SLC24A3: variants seen among roughly 807,000 people sequenced by gnomAD.
The protein encoded by SLC24A3 is solute carrier family 24 member 3.
Under a neutral mutation model 75.8 loss-of-function variants are expected in SLC24A3, and 28 were observed. The observed-to-expected ratio is 0.37, with a 90% CI of 0.27 to 0.51. SLC24A3 has a LOEUF of 0.51. Ranked by LOEUF, SLC24A3 falls within the 20% of genes least tolerant of loss-of-function variation. The pLI is 0.94. For missense variants in SLC24A3, 663 were observed against 847.8 expected (o/e 0.78, Z 2.71); for synonymous variants, 372 against 334.1 (o/e 1.11, Z -1.24).
At chr20:19,344,736 TC>T (rs1448748552) in intron 2 of SLC24A3, among the ~76,000 whole-genome samples, 2 of 152,194 alleles carry the variant, frequency 1.3e-5, no homozygotes, top group Admixed American at 1.3e-4. Flanking sequence ...AGAAATTAAC[TC>T]CCCAGCACTC....
intron 1 of SLC24A3, among the ~76,000 whole-genome samples, chr20:19,262,565 C>A (rs997900599): frequency 2.6e-5 from 4 of 152,100 alleles, no homozygotes; most frequent in African/African-American, 9.7e-5. Flanking sequence ...TCCCTTTGGT[C>A]AAGGAGATGC....
chr20:19,213,723 T>C (rs978677093), intron 1 of SLC24A3, among the ~76,000 whole-genome samples: 7 of 152,228 alleles, frequency 4.6e-5, no homozygotes, highest in African/African-American at 1.7e-4. Context: ...CCCACAACTT[T>C]TGTCTTGTCT....
chr20:19,378,907 C>CA (rs11475629), intron 2 of SLC24A3, among the ~76,000 whole-genome samples: 9,980 of 138,250 alleles, frequency 0.072, 882 homozygotes, highest in African/African-American at 0.21. Flanking sequence ...AAAAAAAGCT[C>CA]AAAAAAAAAA....
At chr20:19,655,781 C>A (rs1219825309) in intron 7 of SLC24A3, among the ~76,000 whole-genome samples, 1 of 152,186 alleles carries the variant, frequency 6.6e-6, no homozygotes, top group South Asian at 2.1e-4. Flanking sequence ...ACAGCATTGG[C>A]TTCCCTGGTT....
intron 2 of SLC24A3, among the ~76,000 whole-genome samples, chr20:19,499,437 C>T (rs1264376840): frequency 6.6e-6 from 1 of 152,156 alleles, no homozygotes; most frequent in Admixed American, 6.6e-5. Context: ...TGACAGAGAG[C>T]AGAGAGGGGA....
chr20:19,530,503 C>T (rs2030276402), intron 3 of SLC24A3, among the ~76,000 whole-genome samples: 1 of 152,212 alleles, frequency 6.6e-6, no homozygotes, highest in Non-Finnish European at 1.5e-5. Context: ...TGTCCCAGAG[C>T]CACCACTGAC....
At chr20:19,321,029 A>G (rs1984695581) in intron 2 of SLC24A3, among the ~76,000 whole-genome samples, 1 of 152,116 alleles carries the variant, frequency 6.6e-6, no homozygotes, top group Admixed American at 6.6e-5. Flanking sequence ...ATATGCAGTT[A>G]GTCCTCTGTA....
chr20:19,624,006 CT>C (rs2031837622), intron 6 of SLC24A3, among the ~76,000 whole-genome samples: 1 of 152,228 alleles, frequency 6.6e-6, no homozygotes, highest in Admixed American at 6.5e-5. Context: ...ACAACTCCTT[CT>C]CTTATCACAA....
At chr20:19,226,962 ATC>A (rs1252273816) in intron 1 of SLC24A3, among the ~76,000 whole-genome samples, 2 of 152,136 alleles carry the variant, frequency 1.3e-5, no homozygotes, top group Non-Finnish European at 1.5e-5. Context: ...GTCTTTGACA[ATC>A]TCTGCCGGTT....
chr20:19,457,735 A>T (rs1296590631), intron 2 of SLC24A3, among the ~76,000 whole-genome samples: 2 of 152,178 alleles, frequency 1.3e-5, no homozygotes, highest in Non-Finnish European at 2.9e-5. Context: ...GAGGACTCAC[A>T]TTCCCTGGAT....
At chr20:19,290,650 C>A (rs1600413936) in intron 2 of SLC24A3, among the ~76,000 whole-genome samples, 1 of 152,114 alleles carries the variant, frequency 6.6e-6, no homozygotes, top group African/African-American at 2.4e-5. Flanking sequence ...ATAGGCCACC[C>A]AGTCTATGGT....
At chr20:19,436,150 A>T (rs965337691) in intron 2 of SLC24A3, among the ~76,000 whole-genome samples, 2 of 152,192 alleles carry the variant, frequency 1.3e-5, no homozygotes, top group African/African-American at 4.8e-5. Flanking sequence ...TTACACCCTG[A>T]GGTAAGGATC....
chr20:19,279,137 A>T (rs140531870), intron 1 of SLC24A3, among the ~76,000 whole-genome samples: 109 of 152,326 alleles, frequency 7.2e-4, no homozygotes, highest in African/African-American at 2.5e-3. Context: ...ATCATTTGGG[A>T]AACTGAATCA....
intron 3 of SLC24A3, among the ~76,000 whole-genome samples, chr20:19,546,602 T>C (rs1220714709): frequency 6.6e-6 from 1 of 152,222 alleles, no homozygotes; most frequent in Non-Finnish European, 1.5e-5. Context: ...TTGAAAATGC[T>C]GCCTCCTTTT....
intron 6 of SLC24A3, among the ~76,000 whole-genome samples, chr20:19,639,680 G>A (rs1019701632): frequency 6.6e-6 from 1 of 152,236 alleles, no homozygotes; most frequent in South Asian, 2.1e-4. Context: ...GAGGAGCAGG[G>A]GGCGGCGCTC....
intron 6 of SLC24A3, among the ~76,000 whole-genome samples, chr20:19,627,940 G>T (rs1289209436): frequency 6.6e-6 from 1 of 152,054 alleles, no homozygotes; most frequent in Non-Finnish European, 1.5e-5. Flanking sequence ...GCTCACTCCT[G>T]TAATCCCAGA....
intron 1 of SLC24A3, among the ~76,000 whole-genome samples, chr20:19,270,506 G>A (rs1464283762): frequency 2.0e-5 from 3 of 152,136 alleles, no homozygotes; most frequent in African/African-American, 7.2e-5. Context: ...GTCAGGTTCT[G>A]GTGAGGGCCC....
chr20:19,400,084 G>A (rs1250587114), intron 2 of SLC24A3, among the ~76,000 whole-genome samples: 3 of 152,058 alleles, frequency 2.0e-5, no homozygotes, highest in Non-Finnish European at 2.9e-5. Context: ...TAATGTCGTG[G>A]CTCTAATTCT....
At chr20:19,365,313 G>GA (rs1289906599) in intron 2 of SLC24A3, among the ~76,000 whole-genome samples, 1 of 152,142 alleles carries the variant, frequency 6.6e-6, no homozygotes, top group East Asian at 1.9e-4. Context: ...CATACCCAGT[G>GA]AATCAGGAAC....
Sources: gnomAD v4.1 joint callset for allele counts (sites outside exome capture counted in the v4.1 genomes callset) on GRCh38, gnomAD v4.1.1 for gene constraint, MANE v1.5 for transcripts, NCBI Gene and HGNC (gene_info 2026-07-23, HGNC 2026-07-21) for gene names.